The following RAD51B variants were observed in gnomAD, a reference collection of about 807,000 sequenced individuals.
RAD51B encodes DNA repair protein RAD51 homolog 2.
Under a neutral mutation model 42.2 loss-of-function variants are expected in RAD51B, and 38 were observed. The observed-to-expected ratio is 0.90, with a 90% CI of 0.70 to 1.18. The LOEUF is 1.18. RAD51B is among the 50% of genes most tolerant of loss of function. RAD51B has a pLI of 0.00. For missense variants in RAD51B, 373 were observed against 400.7 expected (o/e 0.93, Z 0.59); for synonymous variants, 154 against 145.2 (o/e 1.06, Z -0.43).
chr14:68,379,845 G>C (rs926365006), intron 8 of RAD51B, among the ~76,000 whole-genome samples: 1 of 152,232 alleles, frequency 6.6e-6, no homozygotes, highest in Non-Finnish European at 1.5e-5. Flanking sequence ...CATGGGTGTG[G>C]TGAAGTTAGC....
intron 10 of RAD51B, among the ~76,000 whole-genome samples, chr14:68,642,926 T>A (rs1435356312): frequency 6.6e-6 from 1 of 152,238 alleles, no homozygotes; most frequent in Non-Finnish European, 1.5e-5. Flanking sequence ...TATCAGACTA[T>A]TTCTAGTTTA....
chr14:67,837,603 A>G (rs1054217783), intron 4 of RAD51B, among the ~76,000 whole-genome samples: 1 of 150,322 alleles, frequency 6.7e-6, no homozygotes, highest in Non-Finnish European at 1.5e-5. Flanking sequence ...TTTTCAACTG[A>G]GTACAGGGAG....
chr14:67,828,681 G>C (rs1025839286), intron 3 of RAD51B, among the ~76,000 whole-genome samples: 1 of 152,064 alleles, frequency 6.6e-6, no homozygotes, highest in African/African-American at 2.4e-5. Context: ...TGTAAGGAAG[G>C]GGTCCAGTTT....
chr14:68,333,710 C>G (rs1321733237), intron 8 of RAD51B, among the ~76,000 whole-genome samples: 1 of 152,176 alleles, frequency 6.6e-6, no homozygotes, highest in Non-Finnish European at 1.5e-5. Context: ...TTTTAAAGTA[C>G]ACATACATTG....
At chr14:68,106,112 A>C (rs539797811) in intron 7 of RAD51B, among the ~76,000 whole-genome samples, 8 of 152,082 alleles carry the variant, frequency 5.3e-5, no homozygotes, top group African/African-American at 1.9e-4. Context: ...GAGGCTGCAT[A>C]TAGTAACTGG....
chr14:68,172,644 G>GA (rs1226900684), intron 7 of RAD51B, among the ~76,000 whole-genome samples: 8 of 150,048 alleles, frequency 5.3e-5, no homozygotes, highest in Admixed American at 2.0e-4. Flanking sequence ...ACTTCAAGTG[G>GA]AAAAAAAAAG....
intron 11 of RAD51B, among the ~76,000 whole-genome samples, chr14:68,673,525 C>CACACACACATACACATACATAT (rs1566969467): frequency 6.7e-6 from 1 of 149,606 alleles, no homozygotes; most frequent in African/African-American, 2.5e-5. Context: ...CATATGTACG[C>CACACACACATACACATACATAT]GCACACACAT....
chr14:68,627,722 C>T (rs1426310520), intron 10 of RAD51B, among the ~76,000 whole-genome samples: 1 of 152,202 alleles, frequency 6.6e-6, no homozygotes, highest in Non-Finnish European at 1.5e-5. Flanking sequence ...CCACCTCCCC[C>T]CAACTCACTC....
At chr14:68,207,196 A>G (rs1451016267) in intron 7 of RAD51B, among the ~76,000 whole-genome samples, 1 of 152,080 alleles carries the variant, frequency 6.6e-6, no homozygotes, top group Admixed American at 6.6e-5. Flanking sequence ...AGTGAAGTGA[A>G]CTTGGGGAAA....
chr14:68,673,390 C>T (rs1237377302), intron 11 of RAD51B, among the ~76,000 whole-genome samples: 1 of 125,738 alleles, frequency 8.0e-6, no homozygotes, highest in East Asian at 2.1e-4. Context: ...CAAATATATA[C>T]ATGCACACAC....
chr14:68,019,785 G>C (rs527487170), intron 7 of RAD51B, among the ~76,000 whole-genome samples: 20 of 152,226 alleles, frequency 1.3e-4, no homozygotes, highest in African/African-American at 4.8e-4. Flanking sequence ...TTTCTTGTTC[G>C]TTCTTACCGT....
chr14:67,848,660 G>A (rs576881507), intron 4 of RAD51B, among the ~76,000 whole-genome samples: 74 of 152,116 alleles, frequency 4.9e-4, no homozygotes, highest in Middle Eastern at 6.8e-3. Context: ...ACTTGATTGC[G>A]TAGTTACTTT....
intron 10 of RAD51B, among the ~76,000 whole-genome samples, chr14:68,507,038 G>C (rs141244004): frequency 8.4e-4 from 128 of 152,246 alleles, no homozygotes; most frequent in African/African-American, 2.9e-3. Flanking sequence ...AAAAGCTCTA[G>C]GTCTCCGGGG....
chr14:68,108,864 GT>G (rs1024527990), intron 7 of RAD51B, among the ~76,000 whole-genome samples: 4 of 151,856 alleles, frequency 2.6e-5, no homozygotes, highest in Non-Finnish European at 5.9e-5. Context: ...TCAATTATCT[GT>G]TTGTGTCTGG....
rs1350149386 is a variant in RAD51B at position 68,465,943 on chromosome 14, AAAAAAAAAAAAT to A, written c.958-2225_958-2214del. 5.8e-3 allele frequency among the ~76,000 whole-genome samples: 218 copies of A among 37,748 alleles called. 1 individual carries two copies. Among genetic ancestry groups the A allele is most frequent in the African/African-American group, 0.015 (208 of 13,942 alleles). 24.8% of individuals were successfully genotyped at this position (37,748 alleles called of 152,430 possible). A position where few individuals can be genotyped will look rare whatever the true frequency, so the allele number is the denominator to read the frequency against. ...GTGACAGAGCTAGACTCTGTCTCAA[AAAAAAAAAAAAT>A]AAATAAATAAATAAATAAATAAATA... On this transcript the variant is annotated intron_variant, in intron 9 of 10. Coordinates refer to ENST00000471583, the MANE Select transcript of RAD51B (RefSeq NM_133510.4).
intron 9 of RAD51B, among the ~76,000 whole-genome samples, chr14:68,423,103 T>C (rs74059313): frequency 0.019 from 2,926 of 152,294 alleles, 105 homozygotes; most frequent in African/African-American, 0.064. Context: ...GAGAACACCT[T>C]TGGAGAGCCC....
intron 8 of RAD51B, among the ~76,000 whole-genome samples, chr14:68,383,025 C>G (rs1338513720): frequency 6.6e-6 from 1 of 152,078 alleles, no homozygotes; most frequent in East Asian, 1.9e-4. Context: ...ACATAAGAAA[C>G]CACAACTGGA....
At chr14:68,091,182 A>G (rs2077092394) in intron 7 of RAD51B, among the ~76,000 whole-genome samples, 1 of 152,182 alleles carries the variant, frequency 6.6e-6, no homozygotes, top group African/African-American at 2.4e-5. Context: ...GTGTCTTTAT[A>G]GCAGCATGTT....
At chr14:68,310,271 G>A (rs2081944259) in intron 8 of RAD51B, among the ~76,000 whole-genome samples, 1 of 152,156 alleles carries the variant, frequency 6.6e-6, no homozygotes, top group East Asian at 1.9e-4. Flanking sequence ...CAGATACCCT[G>A]CTCACTGTAG....
Sources: allele counts gnomAD v4.1 joint callset (sites outside exome capture counted in the v4.1 genomes callset), GRCh38; gene constraint gnomAD v4.1.1; transcripts MANE v1.5; gene names NCBI Gene and HGNC (gene_info 2026-07-23, HGNC 2026-07-21).